Variants in SLC22A3 observed in about 807,000 individuals in gnomAD.
SLC22A3 encodes EMT organic cation transporter 3.
SLC22A3 carries 51 observed loss-of-function variants against 59.1 expected under a neutral mutation model. The observed-to-expected ratio is 0.86, with a 90% CI of 0.69 to 1.09. The LOEUF is 1.09. Among genes scored for constraint, SLC22A3 ranks in the 50% least tolerant of loss-of-function variants. SLC22A3 has a pLI of 0.00. For synonymous variants in SLC22A3, 325 were observed against 292.0 expected, an observed-to-expected ratio of 1.11 and a Z score of -1.15; for missense variants, 711 against 726.3, an observed-to-expected ratio of 0.98 and a Z score of 0.24.
In SLC22A3 at chr6:160,348,510, A is replaced by G. The variant is rs759128020; in HGVS notation, c.91A>G (p.Thr31Ala). 6.4e-7 allele frequency: 1 copy of G among 1,563,080 alleles called. No individual in the cohort carries two copies. The highest frequency in any genetic ancestry group is 2.5e-5 in the East Asian group (1 of 39,754). ...VFLLLCLTGV[T>A]FAFLFVGVVF... The stretch of plus-strand genomic sequence containing the variant: ...TTTGCTGCTGTGCCTGACGGGCGTC[A>G]CCTTCGCCTTCCTCTTCGTCGGCGT... The change falls in exon 1 of 11, where the codon ACC (threonine) becomes GCC (alanine). Residue 31 changes from threonine (T) to alanine (A), a missense_variant. Thr to Ala is a moderately conservative substitution (Grantham distance 58). Transcript: ENST00000275300.
chr6:160,383,801 A>AT (rs1171204680), intron 1 of SLC22A3, among the ~76,000 whole-genome samples: 3 of 151,686 alleles, frequency 2.0e-5, no homozygotes, highest in Non-Finnish European at 2.9e-5. Context: ...AAAGCAAAAA[A>AT]AAATATATAA....
At chr6:160,366,657 G>C (rs2114763937) in intron 1 of SLC22A3, among the ~76,000 whole-genome samples, 1 of 152,272 alleles carries the variant, frequency 6.6e-6, no homozygotes, top group Middle Eastern at 3.4e-3. Context: ...CTTCATGAGG[G>C]CTGTGCCCCA....
chr6:160,380,262 C>T (rs1785747340), intron 1 of SLC22A3, among the ~76,000 whole-genome samples: 1 of 151,976 alleles, frequency 6.6e-6, no homozygotes, highest in African/African-American at 2.4e-5. Context: ...TTTTTATACC[C>T]AGTGCATTTA....
At chr6:160,364,893 G>A (rs1322783421) in intron 1 of SLC22A3, among the ~76,000 whole-genome samples, 3 of 152,092 alleles carry the variant, frequency 2.0e-5, no homozygotes, top group African/African-American at 4.8e-5. Context: ...CTGACTTACA[G>A]CTTTTAATAG....
chr6:160,394,411 T>C (rs935874232), intron 1 of SLC22A3, among the ~76,000 whole-genome samples: 1 of 150,622 alleles, frequency 6.6e-6, no homozygotes, highest in Non-Finnish European at 1.5e-5. Context: ...CCAGAGCTGT[T>C]GCATCAGCAG....
chr6:160,363,102 C>G (rs566336723), intron 1 of SLC22A3, among the ~76,000 whole-genome samples: 25 of 152,182 alleles, frequency 1.6e-4, no homozygotes, highest in Non-Finnish European at 3.4e-4. Context: ...ACAGTGTTGC[C>G]GAGGGGCAGA....
chr6:160,433,731 T>A (rs1164756907), intron 5 of SLC22A3, among the ~76,000 whole-genome samples: 5 of 152,078 alleles, frequency 3.3e-5, no homozygotes, highest in Non-Finnish European at 4.4e-5. Flanking sequence ...TAAATTTTTT[T>A]AAAAAGTCAA....
rs1562490104 is a variant in SLC22A3 at position 160,410,793 on chromosome 6, C to T, written c.922C>T (p.Leu308=). The change falls in exon 5 of 11, where the codon CTG becomes TTG. Residue 308 remains leucine (L), a synonymous_variant. Coordinates refer to ENST00000275300, the MANE Select transcript of SLC22A3 (RefSeq NM_021977.4). The part of the protein sequence containing the change: ...RKKGDKALQI[L]RRIAKCNGKY... ...GAAAGGAGATAAAGCATTACAGATC[C>T]TGAGACGCATTGCTAAGTGCAATGG... 2 of 1,613,332 alleles carry T rather than the reference C, an allele frequency of 1.2e-6. No individual in the cohort carries two copies. Among genetic ancestry groups the T allele is most frequent in the Non-Finnish European group, 8.5e-7 (1 of 1,179,506 alleles).
rs1311524862 is a variant in SLC22A3 at position 160,436,878 on chromosome 6, G to T, written c.1073+1G>T. Reference sequence around the variant, plus strand: ...GCACACTTATTCTTATGTTTGCTTGGTAAGTTTGACTTGTGATGGATTTAA... The same window carrying T: ...GCACACTTATTCTTATGTTTGCTTGTTAAGTTTGACTTGTGATGGATTTAA... On this transcript the variant is annotated splice_donor_variant, in intron 6 of 10. Transcript: ENST00000275300. LOFTEE classifies it high-confidence loss of function. The T allele has an allele frequency of 1.2e-6, 2 of 1,613,464 alleles. No homozygotes were observed. Among genetic ancestry groups the T allele is most frequent in the Admixed American group, 1.7e-5 (1 of 60,020 alleles).
At chr6:160,433,067 T>C (rs1788211324) in intron 5 of SLC22A3, among the ~76,000 whole-genome samples, 1 of 152,246 alleles carries the variant, frequency 6.6e-6, no homozygotes, top group Admixed American at 6.5e-5. Flanking sequence ...AAGCCATTTA[T>C]GTATCGTCTA....
chr6:160,447,979 C>T (rs1228513824), intron 10 of SLC22A3, among the ~76,000 whole-genome samples, 161 bp downstream of exon 10: 1 of 151,090 alleles, frequency 6.6e-6, no homozygotes. Context: ...AAAAGGTTAA[C>T]ATAAAAAAAA....
chr6:160,411,844 C>A (rs1406809592), intron 5 of SLC22A3, among the ~76,000 whole-genome samples: 6 of 152,036 alleles, frequency 3.9e-5, no homozygotes, highest in Admixed American at 2.0e-4. Context: ...TTAAAGCAAC[C>A]CATAAATAAT....
intron 1 of SLC22A3, among the ~76,000 whole-genome samples, chr6:160,374,500 G>T (rs1329389130): frequency 6.6e-6 from 1 of 152,228 alleles, no homozygotes; most frequent in Admixed American, 6.5e-5. Context: ...ATGAATAAAT[G>T]AATGAATGAA....
rs1787213052 is a variant in SLC22A3 at position 160,410,757 on chromosome 6, A to G, written c.886A>G (p.Ile296Val). 1 of 1,613,260 alleles carries G rather than the reference A, an allele frequency of 6.2e-7. No homozygotes were observed. ...WVVPESPRWL[I>V]TRKKGDKALQ... The stretch of plus-strand genomic sequence containing the variant: ...GGTCCCTGAGTCTCCCCGTTGGCTG[A>G]TTACTCGGAAGAAAGGAGATAAAGC... Residue 296 changes from isoleucine (I) to valine (V), a missense_variant, in exon 5 of 11, where the codon ATT becomes GTT. By Grantham distance (29) the Ile-to-Val change is conservative. Transcript: ENST00000275300.
chr6:160,356,979 TAGA>T (rs1480982077), intron 1 of SLC22A3, among the ~76,000 whole-genome samples: 6 of 152,180 alleles, frequency 3.9e-5, no homozygotes, highest in Non-Finnish European at 4.4e-5. Context: ...TTTAGGGGCT[TAGA>T]AGAAGGTGAA....
intron 1 of SLC22A3, among the ~76,000 whole-genome samples, chr6:160,371,320 T>G (rs1785389513): frequency 6.6e-6 from 1 of 152,194 alleles, no homozygotes; most frequent in Admixed American, 6.5e-5. Context: ...CTCCTAATGC[T>G]ATCCCTCCCC....
rs1341954283 is a variant in SLC22A3, at chr6:160,432,493, A to C, written c.976-4287A>C. Among the ~76,000 whole-genome samples, 4 of 148,626 alleles carry C rather than the reference A, an allele frequency of 2.7e-5. No individual in the cohort carries two copies. In the East Asian group the frequency reaches 7.9e-4, roughly 30 times the overall value. The stretch of plus-strand genomic sequence containing the variant: ...ACCCAGGCTGGAGTGCAATGGCACG[A>C]TCTCGGCTCACTGCAACTCCGCCTC... On this transcript the variant is annotated intron_variant, in intron 5 of 10. Transcript: ENST00000275300.
chr6:160,417,509 G>A (rs1236333861), intron 5 of SLC22A3, among the ~76,000 whole-genome samples: 1 of 152,204 alleles, frequency 6.6e-6, no homozygotes, highest in African/African-American at 2.4e-5. Context: ...TAGTTCAACT[G>A]CCAGAGTAGG....
chr6:160,395,487 G>T (rs1009740379), intron 1 of SLC22A3, among the ~76,000 whole-genome samples: 2 of 152,094 alleles, frequency 1.3e-5, no homozygotes, highest in African/African-American at 2.4e-5. Context: ...TTGCATTTCC[G>T]CTGGTAGTTT....
Sources: gnomAD v4.1 joint callset for allele counts (sites outside exome capture counted in the v4.1 genomes callset) on GRCh38, gnomAD v4.1.1 for gene constraint, MANE v1.5 for transcripts, NCBI Gene and HGNC (gene_info 2026-07-23, HGNC 2026-07-21) for gene names.